Variants in SHROOM4 observed in about 807,000 individuals in gnomAD.
SHROOM4 encodes shroom family member 4.
SHROOM4 carries 17 observed loss-of-function variants against 80.3 expected under a neutral mutation model. The ratio of observed to expected loss-of-function variants is 0.21; its 90% CI spans 0.14 to 0.32. The LOEUF is 0.32. Among genes scored for constraint, SHROOM4 ranks in the 10% least tolerant of loss-of-function variants. The pLI, the probability that SHROOM4 is intolerant of heterozygous loss-of-function variation, is 1.00. For missense variants in SHROOM4, 993 were observed against 1,140.3 expected, an observed-to-expected ratio of 0.87 and a Z score of 1.86; for synonymous variants, 400 against 437.5, an observed-to-expected ratio of 0.91 and a Z score of 1.07.
chrX:50,596,561 T>G lies in SHROOM4; in HGVS notation c.*134A>C. On this transcript the variant is annotated 3_prime_UTR_variant, in exon 9 of 9. Transcript: ENST00000376020. ...AGGACCACTGCTAGGGAAGGGGTAGTGAGAGACATCCAGGGTAGAGGGCTG... is the reference window on the plus strand; with the variant it reads ...AGGACCACTGCTAGGGAAGGGGTAGGGAGAGACATCCAGGGTAGAGGGCTG... 25 of 882,976 alleles carry G rather than the reference T, an allele frequency of 2.8e-5. No homozygotes were observed. Among genetic ancestry groups the G allele is most frequent in the Middle Eastern group, 3.5e-4 (1 of 2,833 alleles). 72.8% of individuals were successfully genotyped at this position (882,976 alleles called of 1,213,427 possible).
At chrX:50,759,092 C>CA (rs1935096533) in intron 1 of SHROOM4, among the ~76,000 whole-genome samples, 1 of 111,642 alleles carries the variant, frequency 9.0e-6, no homozygotes, top group African/African-American at 3.2e-5. Context: ...ACTGTCCATC[C>CA]AAACTTCGTA....
intron 1 of SHROOM4, among the ~76,000 whole-genome samples, chrX:50,784,412 C>T (rs1195204066): frequency 1.8e-5 from 2 of 112,167 alleles, no homozygotes; most frequent in African/African-American, 6.5e-5. Context: ...ATCCTCCTGC[C>T]TCAGCCTCCC....
In SHROOM4 at chrX:50,759,693, C is replaced by T. The variant is rs186033394; in HGVS notation, c.117+54209G>A. On this transcript the variant is annotated intron_variant, in intron 1 of 8. Transcript: ENST00000376020. ...CATTTTTTCTTCTTTTTAATATAGG[C>T]ATTTACAGCTTCAAATTTCCCTGTG... 9.9e-5 allele frequency among the ~76,000 whole-genome samples: 11 copies of T among 111,619 alleles called. No individual in the cohort carries two copies. The East Asian group carries it at 3.1e-3, about 31-fold the overall frequency.
At chrX:50,691,963 T>A (rs73483714) in intron 2 of SHROOM4, among the ~76,000 whole-genome samples, 8,483 of 111,112 alleles carry the variant, frequency 0.076, 829 homozygotes, top group African/African-American at 0.26. Flanking sequence ...TATGTCATTG[T>A]AAGCCTTCAC....
intron 1 of SHROOM4, among the ~76,000 whole-genome samples, chrX:50,730,578 A>G (rs547916246): frequency 9.0e-6 from 1 of 110,996 alleles, no homozygotes; most frequent in African/African-American, 3.3e-5. Context: ...GAGTTCAAGA[A>G]CAGCCTGGCC....
rs138676318 is a variant in SHROOM4 at position 50,633,620 on chromosome X, C to A, written c.2453G>T (p.Cys818Phe). The change falls in exon 4 of 9, where the codon TGT becomes TTT. Residue 818 changes from cysteine (C) to phenylalanine (F), a missense_variant. Cys to Phe is a radical substitution (Grantham distance 205). Coordinates refer to ENST00000376020, the MANE Select transcript of SHROOM4 (RefSeq NM_020717.5). ...DQNFQPMSSS[C>F]RELRRHPMDQ... ...CATGGGATGGCGCCTCAATTCCCTA[C>A]AGCTGGAGCTCATTGGCTGGAAGTT... is the stretch of plus-strand genomic sequence containing the variant. 1.6e-6 allele frequency: 2 copies of A among 1,212,133 alleles called. No homozygotes were observed. Among genetic ancestry groups the A allele is most frequent in the South Asian group, 3.5e-5 (2 of 57,006 alleles).
chrX:50,777,463 C>T (rs1205202951), intron 1 of SHROOM4, among the ~76,000 whole-genome samples: 1 of 111,464 alleles, frequency 9.0e-6, no homozygotes, highest in Non-Finnish European at 1.9e-5. Context: ...AAATGAAAAC[C>T]TAAATGGGCA....
intron 1 of SHROOM4, among the ~76,000 whole-genome samples, chrX:50,792,781 T>C (rs782348334): frequency 9.3e-6 from 1 of 107,440 alleles, no homozygotes; most frequent in South Asian, 4.2e-4. Flanking sequence ...CTGACACCTA[T>C]TAGGATGGCC....
Position 50,592,982 on chromosome X carries a change from T to C in SHROOM4, c.*3713A>G, listed in dbSNP as rs1928941840. On this transcript the variant is annotated 3_prime_UTR_variant, in exon 9 of 9. Transcript: ENST00000376020. The stretch of plus-strand genomic sequence containing the variant: ...GGGCAGGGCTGTGATCCTGAGATCC[T>C]TCTGAGTAGAAAAATACCATGCTTC... The C allele has an allele frequency of 8.9e-6, 1 of 112,008 alleles. No homozygotes were observed. Among genetic ancestry groups the C allele is most frequent in the Non-Finnish European group, 1.9e-5 (1 of 53,229 alleles). 9.2% of individuals were successfully genotyped at this position (112,008 alleles called of 1,213,427 possible).
intron 5 of SHROOM4, among the ~76,000 whole-genome samples, chrX:50,611,275 A>C (rs1320750694): frequency 9.8e-6 from 1 of 102,260 alleles, no homozygotes; most frequent in Non-Finnish European, 1.9e-5. Flanking sequence ...CAGCCTCCCC[A>C]GTAGCTGGGA....
the SHROOM4 span, among the ~76,000 whole-genome samples, chrX:50,575,671 G>A: frequency 3.6e-5 from 4 of 111,693 alleles, no homozygotes; most frequent in African/African-American, 1.3e-4. Flanking sequence ...TGCATATTAA[G>A]TATGATGTTA....
intron 5 of SHROOM4, among the ~76,000 whole-genome samples, chrX:50,608,712 C>A (rs1569546490): frequency 8.9e-6 from 1 of 111,771 alleles, no homozygotes; most frequent in Non-Finnish European, 1.9e-5. Context: ...TAGAAATGTA[C>A]AGAGATTGAT....
chrX:50,730,045 A>C lies in SHROOM4; in HGVS notation c.118-34108T>G, dbSNP rs1229880632. On this transcript the variant is annotated intron_variant, in intron 1 of 8. Transcript: ENST00000376020. ...ACACCAGAGAGTAATTTGAATTTTC[A>C]TGAAAAACAAAGCATTGTGTTAAAG... Among the ~76,000 whole-genome samples the C allele has an allele frequency of 8.0e-5, 9 of 112,331 alleles. No homozygotes were observed. The Admixed American group carries it at 8.5e-4, about 11-fold the overall frequency.
chrX:50,644,958 C>T (rs1831680123), intron 2 of SHROOM4, among the ~76,000 whole-genome samples: 1 of 111,926 alleles, frequency 8.9e-6, no homozygotes, highest in Admixed American at 9.4e-5. Flanking sequence ...TAATATTACC[C>T]GTATGCAAAA....
At chrX:50,628,016 G>C (rs1190706424) in intron 4 of SHROOM4, among the ~76,000 whole-genome samples, 1 of 112,381 alleles carries the variant, frequency 8.9e-6, no homozygotes, top group Admixed American at 9.4e-5. Flanking sequence ...TGCACAGAGA[G>C]ATGGAGGTCT....
intron 1 of SHROOM4, among the ~76,000 whole-genome samples, chrX:50,797,358 T>C (rs1328067235): frequency 8.9e-6 from 1 of 112,166 alleles, no homozygotes; most frequent in African/African-American, 3.2e-5. Flanking sequence ...ACCTTCTGTA[T>C]GCTTGATAGG....
chrX:50,603,021 C>G (rs782449063), intron 6 of SHROOM4, among the ~76,000 whole-genome samples: 37 of 111,905 alleles, frequency 3.3e-4, no homozygotes, highest in African/African-American at 1.2e-3. Flanking sequence ...AAGGCTATTT[C>G]CATGCCCCTG....
In SHROOM4 at chrX:50,588,081, C is replaced by T. The variant is rs1222495917; in HGVS notation, c.*8614G>A. Among the ~76,000 whole-genome samples the T allele has an allele frequency of 2.7e-5, 3 of 111,568 alleles. No individual in the cohort carries two copies. The highest frequency in any genetic ancestry group is 3.8e-5 in the Non-Finnish European group (2 of 53,033). ...GTCCACATGCAAAACAGTTCCTTCT[C>T]TATTGTTCTGAAGGGGGTGTTTTCT... is the stretch of plus-strand genomic sequence containing the variant. On this transcript the variant is annotated 3_prime_UTR_variant, in exon 9 of 9. Transcript: ENST00000376020.
chrX:50,774,170 C>T (rs1353639289), intron 1 of SHROOM4, among the ~76,000 whole-genome samples: 1 of 111,232 alleles, frequency 9.0e-6, no homozygotes, highest in Non-Finnish European at 1.9e-5. Context: ...GACTTTAGGG[C>T]TACATTTTTG....
Sources: gnomAD v4.1 joint callset for allele counts (sites outside exome capture counted in the v4.1 genomes callset) on GRCh38, gnomAD v4.1.1 for gene constraint, MANE v1.5 for transcripts, NCBI Gene and HGNC (gene_info 2026-07-23, HGNC 2026-07-21) for gene names.